HUWE1: variants seen among roughly 807,000 people sequenced by gnomAD.
HUWE1 encodes HECT, UBA and WWE domain containing E3 ubiquitin protein ligase 1.
Under a neutral mutation model 299.4 loss-of-function variants are expected in HUWE1, and 18 were observed. That is an observed-to-expected ratio of 0.06 (90% CI 0.04 to 0.09). The LOEUF (loss-of-function observed/expected upper bound fraction) is 0.09. Ranked by LOEUF, HUWE1 falls within the 10% of genes least tolerant of loss-of-function variation. The probability of loss-of-function intolerance (pLI) is 1.00; values close to 1 mark genes in which losing one functional copy is unlikely to be tolerated. For synonymous variants in HUWE1, 1,317 were observed against 1,286.1 expected (o/e 1.02, Z -0.51); for missense variants, 1,832 against 3,462.3 (o/e 0.53, Z 11.82).
chrX:53,647,480 A>C lies in HUWE1; in HGVS notation c.239T>G (p.Val80Gly). The C allele has an allele frequency of 8.3e-7, 1 of 1,206,457 alleles. No individual in the cohort carries two copies. Among genetic ancestry groups the C allele is most frequent in the Non-Finnish European group, 1.1e-6 (1 of 890,706 alleles). ...QTVENMSWML[V>G]CDRPEREQLK... Reference sequence around the variant, plus strand: ...TTGCTCTCTTTCTGGCCTATCACATACGAGCATCCATGACATATTCTCCAC... The same window carrying C: ...TTGCTCTCTTTCTGGCCTATCACATCCGAGCATCCATGACATATTCTCCAC... The change falls in exon 6 of 84, where the codon GTA becomes GGA. Residue 80 changes from valine (V) to glycine (G), a missense_variant. Val to Gly is a moderately radical substitution (Grantham distance 109). Around this residue, in one of 15 missense-constraint regions of HUWE1, gnomAD observed 658 missense variants for 1,282.6 expected, o/e 0.51. Coordinates refer to ENST00000262854, the MANE Select transcript of HUWE1 (RefSeq NM_031407.7).
Position 53,624,641 on chromosome X carries a change from G to A in HUWE1, c.1626C>T (p.His542=). 2 of 1,204,665 alleles carry A rather than the reference G, an allele frequency of 1.7e-6. No homozygotes were observed. Among genetic ancestry groups the A allele is most frequent in the Middle Eastern group, 2.3e-4 (1 of 4,337 alleles). ...CATAGTATTCTGCATTGCTGATGATGTGTTTCAGGGAGGTAGGCAGAGAAC... is the reference window on the plus strand; with the variant it reads ...CATAGTATTCTGCATTGCTGATGATATGTTTCAGGGAGGTAGGCAGAGAAC... ...MDGSLPTSLK[H]IISNAEYYGP... The change falls in exon 19 of 84, where the codon CAC becomes CAT. Residue 542 remains histidine (H), a synonymous_variant. Coordinates refer to ENST00000262854, the MANE Select transcript of HUWE1 (RefSeq NM_031407.7).
chrX:53,536,037 A>G (rs782508480), intron 80 of HUWE1, 110 bp downstream of exon 80: 2 of 524,253 alleles, frequency 3.8e-6, no homozygotes, highest in Admixed American at 2.7e-5. Context: ...AGAAGTCAAG[A>G]TGCTTCCTTA....
chrX:53,539,346 A>G (rs1165608648), intron 75 of HUWE1, among the ~76,000 whole-genome samples: 2 of 101,167 alleles, frequency 2.0e-5, no homozygotes, highest in African/African-American at 6.9e-5. Context: ...AAAAAAAAAG[A>G]AACAATGAGA....
At chrX:53,554,314 C>T (rs1321110465) in intron 61 of HUWE1, among the ~76,000 whole-genome samples, 2 of 110,289 alleles carry the variant, frequency 1.8e-5, no homozygotes, top group Non-Finnish European at 3.8e-5. Flanking sequence ...CTGCCTCAGC[C>T]TCCCAAAGTG....
At chrX:53,534,367 G>T in intron 82 of HUWE1, 149 bp downstream of exon 82, 1 of 659,455 alleles carries the variant, frequency 1.5e-6, no homozygotes, top group Non-Finnish European at 2.3e-6. Context: ...AGTCTGCTAT[G>T]CTTCAGGAGA....
At position 53,581,050 on chromosome X, in the gene HUWE1, T is replaced by A. The variant is rs782418859; in HGVS notation, c.5521-24A>T. On this transcript the variant is annotated intron_variant, in intron 42 of 83. Transcript: ENST00000262854. The stretch of plus-strand genomic sequence containing the variant: ...ACCTAGTAAAGAGAGAAAGAAACAC[T>A]GTCGATTAAACACTACTTTCTAAAA... 1.0e-5 allele frequency: 12 copies of A among 1,144,897 alleles called. No homozygotes were observed. In the Admixed American group the frequency reaches 2.9e-4, roughly 27 times the overall value. 94.4% of individuals were successfully genotyped at this position (1,144,897 alleles called of 1,213,427 possible). A position where few individuals can be genotyped will look rare whatever the true frequency, so the allele number is the denominator to read the frequency against.
Position 53,660,944 on chromosome X carries a change from A to G in HUWE1, c.-24-6813T>C, listed in dbSNP as rs782169995. On this transcript the variant is annotated intron_variant, in intron 3 of 83. Coordinates refer to ENST00000262854, the MANE Select transcript of HUWE1 (RefSeq NM_031407.7). ...ATAGAAAACTGAAGTAAGAGAGAAAAAAAGTACCTTTCTTGGTCAGTAAAT... is the reference window on the plus strand; with the variant it reads ...ATAGAAAACTGAAGTAAGAGAGAAAGAAAGTACCTTTCTTGGTCAGTAAAT... Among the ~76,000 whole-genome samples, 9 of 111,773 alleles carry G rather than the reference A, an allele frequency of 8.1e-5. No homozygotes were observed. In the South Asian group the frequency reaches 2.6e-3, roughly 32 times the overall value.
chrX:53,671,313 T>C (rs782135299), intron 3 of HUWE1, among the ~76,000 whole-genome samples: 2 of 111,894 alleles, frequency 1.8e-5, no homozygotes, highest in Non-Finnish European at 3.8e-5. Flanking sequence ...ATGGATCTCA[T>C]AAATATTTAT....
Position 53,585,138 on chromosome X carries a change from C to A in HUWE1, c.4875G>T (p.Gly1625=). 6 of 1,211,937 alleles carry A rather than the reference C, an allele frequency of 5.0e-6. No homozygotes were observed. Among genetic ancestry groups the A allele is most frequent in the Non-Finnish European group, 6.7e-6 (6 of 895,525 alleles). ...NNWRWFDDRS[G]RWCSYSASNN... Reference sequence around the variant, plus strand: ...TGCTTGCACTGTAACTACACCAACGCCCAGAGCGATCATCAAACCAGCGCC... The same window carrying A: ...TGCTTGCACTGTAACTACACCAACGACCAGAGCGATCATCAAACCAGCGCC... The change falls in exon 40 of 84, where the codon GGG becomes GGT. Residue 1625 remains glycine, a synonymous_variant. Coordinates refer to ENST00000262854, the MANE Select transcript of HUWE1 (RefSeq NM_031407.7).
intron 3 of HUWE1, among the ~76,000 whole-genome samples, chrX:53,673,501 C>G (rs1221228445): frequency 8.9e-6 from 1 of 111,736 alleles, no homozygotes; most frequent in Non-Finnish European, 1.9e-5. Flanking sequence ...GGCACAAGTA[C>G]AGTTCTGTTA....
chrX:53,626,216 CGTGTGTGTGTGTGTGTGTGTGTGTGT>C (rs58080331), intron 17 of HUWE1, among the ~76,000 whole-genome samples: 7 of 94,900 alleles, frequency 7.4e-5, no homozygotes, highest in Non-Finnish European at 1.3e-4. Context: ...CATACATACA[CGTGTGTGTGTGTGTGTGTGTGTGTGT>C]GTGTGTGTGT....
intron 7 of HUWE1, among the ~76,000 whole-genome samples, chrX:53,635,267 T>G (rs1557025793): frequency 9.1e-6 from 1 of 109,552 alleles, no homozygotes; most frequent in African/African-American, 3.3e-5. Context: ...TATATAAATT[T>G]TATATAAAAT....
intron 29 of HUWE1, among the ~76,000 whole-genome samples, chrX:53,599,800 T>C (rs1441417898): frequency 8.9e-6 from 1 of 112,234 alleles, no homozygotes; most frequent in Non-Finnish European, 1.9e-5. Flanking sequence ...AAGGACGTTG[T>C]AGATGCCTTG....
chrX:53,579,165 G>C (rs1220470505), intron 43 of HUWE1, among the ~76,000 whole-genome samples: 2 of 48,700 alleles, frequency 4.1e-5, no homozygotes, highest in Non-Finnish European at 3.7e-5. Context: ...GGACCCCTCT[G>C]CCCGGCCAGC....
rs782003859 is a variant in HUWE1, at chrX:53,550,772, GA to G, written c.9386-5del. 2.4e-5 allele frequency: 29 copies of G among 1,208,150 alleles called. No individual in the cohort carries two copies. In the African/African-American group the frequency reaches 5.1e-4, roughly 21 times the overall value. The stretch of plus-strand genomic sequence containing the variant: ...CCACTTAAGCGACTGGTGAAAGCTG[GA>G]AGGAAAGAAAAAGAAAACTGAGATT... On this transcript the variant is annotated splice_region_variant and splice_polypyrimidine_tract_variant and intron_variant, in intron 65 of 83. Coordinates refer to ENST00000262854, the MANE Select transcript of HUWE1 (RefSeq NM_031407.7).
intron 65 of HUWE1, 32 bp from the exon 66 acceptor site, chrX:53,550,800 T>G: frequency 1.7e-6 from 2 of 1,198,484 alleles, no homozygotes; most frequent in Non-Finnish European, 2.3e-6. Flanking sequence ...ACTGAGATTG[T>G]GGAGAGGGTG....
chrX:53,597,759 CAG>C (rs1477297317), intron 29 of HUWE1, among the ~76,000 whole-genome samples: 4 of 88,618 alleles, frequency 4.5e-5, no homozygotes, highest in South Asian at 6.5e-4. Flanking sequence ...GCCTCTAGAT[CAG>C]AGAGTCATAA....
chrX:53,577,383 A>G (rs2063158969), intron 43 of HUWE1, among the ~76,000 whole-genome samples: 1 of 106,234 alleles, frequency 9.4e-6, no homozygotes, highest in South Asian at 4.4e-4. Context: ...GATATAACTG[A>G]GAAATGCCCA....
At chrX:53,649,404 C>A (rs1817711050) in intron 4 of HUWE1, among the ~76,000 whole-genome samples, 1 of 111,986 alleles carries the variant, frequency 8.9e-6, no homozygotes, top group South Asian at 3.7e-4. Flanking sequence ...AATAAACTAA[C>A]ATGTACCTAT....
Sources: gnomAD v4.1 joint callset for allele counts (sites outside exome capture counted in the v4.1 genomes callset) on GRCh38, gnomAD v4.1.1 for gene constraint, gnomAD v4.1.1 regional missense constraint, MANE v1.5 for transcripts, NCBI Gene and HGNC (gene_info 2026-07-23, HGNC 2026-07-21) for gene names.